HYCC1: variants seen among roughly 807,000 people sequenced by gnomAD.
HYCC1 encodes hyccin PI4KA lipid kinase complex subunit 1, also known as hyccin.
At chr7:22,921,399 G>C in the HYCC1 span, among the ~76,000 whole-genome samples, 1 of 152,120 alleles carries the variant, frequency 6.6e-6, no homozygotes, top group African/African-American at 2.4e-5. Context: ...GTTAAATATA[G>C]CAAACACTAT....
chr7:22,994,829 T>A, the HYCC1 span, among the ~76,000 whole-genome samples: 1 of 152,156 alleles, frequency 6.6e-6, no homozygotes, highest in African/African-American at 2.4e-5. Flanking sequence ...TCTGTTTATG[T>A]CCAGCACCAC....
the HYCC1 span, chr7:22,960,505 G>T: frequency 2.8e-6 from 3 of 1,057,690 alleles, no homozygotes; most frequent in Non-Finnish European, 4.3e-6. Flanking sequence ...TGCTAAACAG[G>T]CTTATACAAA....
At chr7:22,976,881 T>TAC in the HYCC1 span, 1 of 858,724 alleles carries the variant, frequency 1.2e-6, no homozygotes, top group African/African-American at 1.7e-5. Flanking sequence ...AATATATATA[T>TAC]ACCACTAAAA....
At chr7:22,984,957 G>C in the HYCC1 span, among the ~76,000 whole-genome samples, 26 of 152,178 alleles carry the variant, frequency 1.7e-4, no homozygotes, top group African/African-American at 6.0e-4. Context: ...AACTCCAGTA[G>C]TAAGTCAGAT....
chr7:22,985,111 C>T, the HYCC1 span, among the ~76,000 whole-genome samples: 1 of 152,186 alleles, frequency 6.6e-6, no homozygotes, highest in Non-Finnish European at 1.5e-5. Flanking sequence ...TTACTTCCTT[C>T]AGTCAGTCAT....
chr7:22,976,743 C>G, the HYCC1 span: 4 of 1,613,742 alleles, frequency 2.5e-6, no homozygotes, highest in Non-Finnish European at 2.5e-6. Context: ...CACTGTATAC[C>G]ACTTTTGACA....
chr7:22,959,837 G>A, the HYCC1 span, among the ~76,000 whole-genome samples: 1 of 152,090 alleles, frequency 6.6e-6, no homozygotes, highest in Non-Finnish European at 1.5e-5. Context: ...ACCAGAAAGT[G>A]CAGACAAAGT....
At chr7:22,935,500 T>C in the HYCC1 span, 1 of 152,334 alleles carries the variant, frequency 6.6e-6, no homozygotes, top group Admixed American at 6.5e-5. Context: ...TAAGCCCTCT[T>C]TTATGACTTG....
chr7:22,931,242 T>C, the HYCC1 span, among the ~76,000 whole-genome samples: 1 of 109,484 alleles, frequency 9.1e-6, no homozygotes, highest in African/African-American at 3.6e-5. Flanking sequence ...AGACAAGGAA[T>C]GCCAAAAAAA....
At chr7:22,951,637 A>C in the HYCC1 span, among the ~76,000 whole-genome samples, 1 of 151,828 alleles carries the variant, frequency 6.6e-6, no homozygotes, top group African/African-American at 2.4e-5. Context: ...AATGGAGAAA[A>C]ATGTTATCTG....
the HYCC1 span, among the ~76,000 whole-genome samples, chr7:22,959,694 T>C: frequency 6.6e-6 from 1 of 152,014 alleles, no homozygotes; most frequent in Non-Finnish European, 1.5e-5. Context: ...TGACTTCCAA[T>C]AAAATTTTAA....
At chr7:23,002,146 A>ATATATATATATATACAAT in the HYCC1 span, among the ~76,000 whole-genome samples, 1 of 24,060 alleles carries the variant, frequency 4.2e-5, no homozygotes, top group Admixed American at 5.3e-4. Flanking sequence ...GTATATATAT[A>ATATATATATATATACAAT]TATATATATA....
the HYCC1 span, chr7:22,939,040 T>C: frequency 6.6e-6 from 1 of 152,212 alleles, no homozygotes; most frequent in Admixed American, 6.5e-5. Context: ...AGTGGGATCA[T>C]ACACTGAATA....
the HYCC1 span, among the ~76,000 whole-genome samples, chr7:22,913,770 A>G: frequency 1.3e-5 from 2 of 152,166 alleles, no homozygotes; most frequent in African/African-American, 4.8e-5. Flanking sequence ...GGTGAAATAA[A>G]CAGCTTTACT....
the HYCC1 span, among the ~76,000 whole-genome samples, chr7:22,962,969 T>C: frequency 6.6e-6 from 1 of 152,076 alleles, no homozygotes; most frequent in African/African-American, 2.4e-5. Context: ...AAGTACCAGG[T>C]AGCACTAGAG....
At chr7:22,920,650 C>G in the HYCC1 span, among the ~76,000 whole-genome samples, 2 of 152,098 alleles carry the variant, frequency 1.3e-5, no homozygotes, top group African/African-American at 4.8e-5. Flanking sequence ...CAAGTAAACT[C>G]AAATGAAAGT....
chr7:22,954,414 T>G, the HYCC1 span, among the ~76,000 whole-genome samples: 4 of 151,180 alleles, frequency 2.6e-5, no homozygotes, highest in Non-Finnish European at 5.9e-5. Context: ...TCTTTTCTTT[T>G]TTCATCTAAC....
At chr7:23,012,695 G>GA in the HYCC1 span, among the ~76,000 whole-genome samples, 28 of 151,154 alleles carry the variant, frequency 1.9e-4, no homozygotes, top group African/African-American at 6.3e-4. Context: ...TTCACCTAAA[G>GA]AAAAAAAAAT....
chr7:22,901,516 A>G, the HYCC1 span, among the ~76,000 whole-genome samples: 1 of 152,132 alleles, frequency 6.6e-6, no homozygotes, highest in Non-Finnish European at 1.5e-5. Flanking sequence ...TACAAATCCT[A>G]AGAACATTTT....
Sources: gnomAD v4.1 joint callset for allele counts (sites outside exome capture counted in the v4.1 genomes callset) on GRCh38, gnomAD v4.1.1 for gene constraint, MANE v1.5 for transcripts, NCBI Gene and HGNC (gene_info 2026-07-23, HGNC 2026-07-21) for gene names.